SKAP1: variants seen among roughly 807,000 people sequenced by gnomAD.
The protein encoded by SKAP1 is src kinase-associated phosphoprotein 1.
Under a neutral mutation model 58.5 loss-of-function variants are expected in SKAP1, and 44 were observed. The observed-to-expected ratio is 0.75, with a 90% confidence interval of 0.59 to 0.97. The LOEUF is 0.97. Among genes scored for constraint, SKAP1 ranks in the 50% least tolerant of loss-of-function variants. The pLI is 0.00. For missense variants in SKAP1, 390 were observed against 435.2 expected (o/e 0.90, Z 0.92); for synonymous variants, 127 against 149.7 (o/e 0.85, Z 1.11).
At chr17:48,189,591 G>A (rs1430468045) in intron 4 of SKAP1, 91 bp from the exon 5 acceptor site, 3 of 810,540 alleles carry the variant, frequency 3.7e-6, no homozygotes, top group Non-Finnish European at 6.0e-6. Context: ...TAATAACAGA[G>A]TACAAAAAGG....
rs1459004959 is a variant in SKAP1, at chr17:48,359,845, A to G, written c.178+3944T>C. Among the ~76,000 whole-genome samples the G allele has an allele frequency of 2.0e-5, 3 of 151,908 alleles. No individual in the cohort carries two copies. In the East Asian group the frequency reaches 5.8e-4, roughly 29 times the overall value. On this transcript the variant is annotated intron_variant, in intron 3 of 12. Transcript: ENST00000336915. ...GATCTCAAACTCCTGGGCTCAAGCA[A>G]TCTACCTGCTCAGCCTCCCAAAGTG... is the stretch of plus-strand genomic sequence containing the variant.
At chr17:48,251,627 T>G (rs1318136348) in intron 4 of SKAP1, among the ~76,000 whole-genome samples, 1 of 152,216 alleles carries the variant, frequency 6.6e-6, no homozygotes, top group Non-Finnish European at 1.5e-5. Flanking sequence ...AACATTTGGT[T>G]GGGATTTTCT....
At chr17:48,391,010 C>A (rs2067337642) in intron 2 of SKAP1, among the ~76,000 whole-genome samples, 2 of 152,038 alleles carry the variant, frequency 1.3e-5, no homozygotes, top group Non-Finnish European at 2.9e-5. Context: ...GCGGAGGTTG[C>A]AGTGAGCCAA....
chr17:48,165,935 A>C (rs1360763144), intron 10 of SKAP1, among the ~76,000 whole-genome samples: 1 of 152,252 alleles, frequency 6.6e-6, no homozygotes, highest in African/African-American at 2.4e-5. Flanking sequence ...GAAAAACAAA[A>C]GAATAAAGCT....
At chr17:48,205,037 T>C (rs56102744) in intron 4 of SKAP1, among the ~76,000 whole-genome samples, 10,103 of 55,924 alleles carry the variant, frequency 0.18, 972 homozygotes, top group East Asian at 0.39. Flanking sequence ...CTTTCTTTCT[T>C]TCTCTCTCTC....
upstream of SKAP1, among the ~76,000 whole-genome samples, chr17:48,431,202 T>A (rs527828791): frequency 6.6e-6 from 1 of 152,086 alleles, no homozygotes. Context: ...CACAGCACTT[T>A]GGGAGGCTGA....
intron 2 of SKAP1, among the ~76,000 whole-genome samples, chr17:48,379,479 A>G (rs1282240239): frequency 6.6e-6 from 1 of 152,200 alleles, no homozygotes; most frequent in African/African-American, 2.4e-5. Context: ...TGAATTACTG[A>G]CATTTTCATA....
At chr17:48,353,938 G>GGAAGAA (rs10695123) in intron 3 of SKAP1, among the ~76,000 whole-genome samples, 18,281 of 144,664 alleles carry the variant, frequency 0.13, 1,215 homozygotes, top group East Asian at 0.17. Context: ...AAGAAGAAGA[G>GGAAGAA]GAAGAAGAAG....
upstream of SKAP1, among the ~76,000 whole-genome samples, chr17:48,432,732 T>A (rs1349886144): frequency 6.6e-6 from 1 of 152,236 alleles, no homozygotes; most frequent in African/African-American, 2.4e-5. Flanking sequence ...TTTGCCTTGC[T>A]TTCCTTCTTG....
At chr17:48,143,637 A>G (rs2063795026) in intron 11 of SKAP1, among the ~76,000 whole-genome samples, 1 of 152,086 alleles carries the variant, frequency 6.6e-6, no homozygotes, top group Admixed American at 6.5e-5. Flanking sequence ...TACTCTGTCT[A>G]CCTCTCACAT....
intron 4 of SKAP1, among the ~76,000 whole-genome samples, chr17:48,297,181 A>G (rs2065987927): frequency 6.6e-6 from 1 of 152,072 alleles, no homozygotes; most frequent in Admixed American, 6.6e-5. Context: ...TTACTCTTTC[A>G]CCTACTCTAA....
chr17:48,252,575 T>C (rs1567839157), intron 4 of SKAP1, among the ~76,000 whole-genome samples: 1 of 152,176 alleles, frequency 6.6e-6, no homozygotes, highest in Non-Finnish European at 1.5e-5. Context: ...GTACATTCCA[T>C]TTTAGTGTCT....
At chr17:48,166,612 T>G (rs1374103553) in intron 10 of SKAP1, among the ~76,000 whole-genome samples, 1 of 152,174 alleles carries the variant, frequency 6.6e-6, no homozygotes, top group Non-Finnish European at 1.5e-5. Flanking sequence ...CAGGCCAGCA[T>G]GTTATTTACA....
At chr17:48,242,315 G>A (rs956458956) in intron 4 of SKAP1, among the ~76,000 whole-genome samples, 4 of 152,160 alleles carry the variant, frequency 2.6e-5, no homozygotes, top group African/African-American at 9.7e-5. Flanking sequence ...GTATAATTCT[G>A]CCGGAGGAGA....
chr17:48,433,495 T>C (rs1299276385), upstream of SKAP1, among the ~76,000 whole-genome samples: 1 of 152,094 alleles, frequency 6.6e-6, no homozygotes, highest in African/African-American at 2.4e-5. Context: ...CTGCCTCCCT[T>C]TTCTTCCCGT....
intron 2 of SKAP1, among the ~76,000 whole-genome samples, chr17:48,383,407 C>G (rs781371551): frequency 2.0e-5 from 3 of 151,952 alleles, no homozygotes; most frequent in Non-Finnish European, 4.4e-5. Flanking sequence ...GTCAGTGATA[C>G]CTCATCTAAT....
intron 3 of SKAP1, among the ~76,000 whole-genome samples, chr17:48,348,530 T>A (rs764596116): frequency 6.6e-6 from 1 of 152,034 alleles, no homozygotes; most frequent in Non-Finnish European, 1.5e-5. Flanking sequence ...CTTCACCCAG[T>A]TTCCCCCAAT....
Position 48,182,012 on chromosome 17 carries a change from G to T in SKAP1, c.631+382C>A, listed in dbSNP as rs549427138. Among the ~76,000 whole-genome samples, 214 of 152,292 alleles carry T rather than the reference G, an allele frequency of 1.4e-3. 1 individual carries two copies. The highest frequency in any genetic ancestry group is 4.8e-3 in the African/African-American group (198 of 41,548). On this transcript the variant is annotated intron_variant, in intron 8 of 12. Coordinates refer to ENST00000336915, the MANE Select transcript of SKAP1 (RefSeq NM_003726.4). ...CTTCCTCCTAAGACTAAAATAAGGA[G>T]ATTTTGAACCTCAATTGCAACTAGA...
chr17:48,416,347 T>G (rs182310124), intron 1 of SKAP1, among the ~76,000 whole-genome samples: 1 of 151,778 alleles, frequency 6.6e-6, no homozygotes, highest in Admixed American at 6.6e-5. Flanking sequence ...TGGAAAAGGG[T>G]AGAGGGATAG....
Sources: allele counts gnomAD v4.1 joint callset (sites outside exome capture counted in the v4.1 genomes callset), GRCh38; gene constraint gnomAD v4.1.1; transcripts MANE v1.5; gene names NCBI Gene and HGNC (gene_info 2026-07-23, HGNC 2026-07-21).